SUMF1: variants seen among roughly 807,000 people sequenced by gnomAD.
SUMF1 encodes the protein sulfatase modifying factor 1.
In SUMF1, 48 loss-of-function variants were observed where a neutral mutation model predicts 47.6. The observed-to-expected ratio is 1.01, with a 90% CI of 0.80 to 1.28. The LOEUF (loss-of-function observed/expected upper bound fraction) is 1.28. SUMF1 is among the 50% of genes most tolerant of loss of function. SUMF1 has a pLI of 0.00. For synonymous variants in SUMF1, 230 were observed against 192.1 expected (o/e 1.20, Z -1.63); for missense variants, 571 against 485.4 (o/e 1.18, Z -1.66).
intron 8 of SUMF1, among the ~76,000 whole-genome samples, chr3:4,202,901 A>G (rs1424366918): frequency 6.6e-6 from 1 of 151,616 alleles, no homozygotes; most frequent in Non-Finnish European, 1.5e-5. Context: ...TCCTCTTCCT[A>G]TTGATTTCTA....
chr3:4,123,583 G>C (rs889112707), intron 8 of SUMF1, among the ~76,000 whole-genome samples: 1 of 152,104 alleles, frequency 6.6e-6, no homozygotes, highest in Non-Finnish European at 1.5e-5. Context: ...TTGATCAAGT[G>C]GTCAGAAAGA....
At chr3:4,311,947 C>T (rs1411219454) in intron 8 of SUMF1, among the ~76,000 whole-genome samples, 1 of 152,122 alleles carries the variant, frequency 6.6e-6, no homozygotes, top group Non-Finnish European at 1.5e-5. Context: ...GAGGATCTAA[C>T]CAGAGATCAG....
At chr3:4,136,139 C>T (rs542414243) in intron 8 of SUMF1, among the ~76,000 whole-genome samples, 24 of 152,084 alleles carry the variant, frequency 1.6e-4, no homozygotes, top group African/African-American at 2.2e-4. Context: ...AAAGTTCATA[C>T]GGAACCAAAA....
intron 8 of SUMF1, among the ~76,000 whole-genome samples, chr3:4,220,837 C>A (rs1383306106): frequency 6.6e-6 from 1 of 152,090 alleles, no homozygotes; most frequent in Non-Finnish European, 1.5e-5. Flanking sequence ...AAGTTGACTT[C>A]TCTGGATCCC....
At chr3:4,138,098 TA>T (rs1033397747) in intron 8 of SUMF1, among the ~76,000 whole-genome samples, 34 of 152,148 alleles carry the variant, frequency 2.2e-4, no homozygotes, top group African/African-American at 7.7e-4. Context: ...GGAATAAATT[TA>T]AAAAGGTTTG....
intron 8 of SUMF1, among the ~76,000 whole-genome samples, chr3:4,142,704 T>A (rs1369341954): frequency 6.6e-6 from 1 of 152,036 alleles, no homozygotes; most frequent in Non-Finnish European, 1.5e-5. Flanking sequence ...TTCTTAAAAC[T>A]TTTTGAATTA....
chr3:4,218,014 G>A (rs1397156026), intron 8 of SUMF1, among the ~76,000 whole-genome samples: 1 of 151,914 alleles, frequency 6.6e-6, no homozygotes, highest in Non-Finnish European at 1.5e-5. Context: ...CGCTTAATTC[G>A]ACATAGTGGT....
intron 8 of SUMF1, chr3:4,313,471 T>C (rs752982138): frequency 6.2e-7 from 1 of 1,613,998 alleles, no homozygotes; most frequent in Non-Finnish European, 8.5e-7. Context: ...GGTACCTAAG[T>C]TGGCACTTTT....
intron 8 of SUMF1, among the ~76,000 whole-genome samples, chr3:4,275,567 C>CT (rs1697395650): frequency 2.0e-5 from 3 of 152,134 alleles, no homozygotes; most frequent in Admixed American, 6.5e-5. Flanking sequence ...ACATGTCACT[C>CT]CTAAACCAAT....
chr3:4,311,940 G>C lies in SUMF1; in HGVS notation c.1014+64390C>G, dbSNP rs1698421090. Among the ~76,000 whole-genome samples the C allele has an allele frequency of 2.6e-5, 4 of 152,290 alleles. No homozygotes were observed. The South Asian group carries it at 6.2e-4, about 24-fold the overall frequency. On this transcript the variant is annotated intron_variant and NMD_transcript_variant, in intron 8 of 12. Coordinates refer to the SUMF1 transcript ENST00000448413. Reference sequence around the variant, plus strand: ...AAATATGCTTCACGATGCTAATGAGGATCTAACCAGAGATCAGGCTTCACA... The same window carrying C: ...AAATATGCTTCACGATGCTAATGAGCATCTAACCAGAGATCAGGCTTCACA...
rs200734995 is a variant in SUMF1 at position 4,125,051 on chromosome 3, A to G, written c.1015-56306T>C. Among the ~76,000 whole-genome samples the G allele has an allele frequency of 2.3e-3, 352 of 152,262 alleles. 4 individuals carry two copies. The highest frequency in any genetic ancestry group is 8.1e-3 in the African/African-American group (335 of 41,554). The stretch of plus-strand genomic sequence containing the variant: ...GAAAACAGTTGTAAAATAGTAGAAG[A>G]ATATCTTAGTAAAGCAGTTTTATGT... On this transcript the variant is annotated intron_variant and NMD_transcript_variant, in intron 8 of 12. Coordinates refer to the SUMF1 transcript ENST00000448413.
intron 8 of SUMF1, among the ~76,000 whole-genome samples, chr3:4,365,215 G>A (rs907468332): frequency 8.2e-6 from 1 of 121,992 alleles, no homozygotes; most frequent in Admixed American, 7.9e-5. Flanking sequence ...GGAGAGTTCT[G>A]TAGATGTCTA....
chr3:4,050,991 C>T (rs903139008), intron 9 of SUMF1, among the ~76,000 whole-genome samples: 8 of 151,908 alleles, frequency 5.3e-5, no homozygotes, highest in South Asian at 4.2e-4. Context: ...CTAAACTTGA[C>T]GTTTTATTTT....
At chr3:4,283,554 C>A (rs1202507952) in intron 8 of SUMF1, among the ~76,000 whole-genome samples, 1 of 152,098 alleles carries the variant, frequency 6.6e-6, no homozygotes, top group Non-Finnish European at 1.5e-5. Flanking sequence ...GTAACGAATA[C>A]CTTTGGAGGG....
At chr3:4,152,214 A>C (rs1694352103) in intron 8 of SUMF1, among the ~76,000 whole-genome samples, 1 of 151,590 alleles carries the variant, frequency 6.6e-6, no homozygotes, top group Non-Finnish European at 1.5e-5. Flanking sequence ...CCTGGCACAA[A>C]GCAGTGAGAG....
At chr3:4,107,245 A>G (rs974091817) in intron 8 of SUMF1, among the ~76,000 whole-genome samples, 3 of 152,170 alleles carry the variant, frequency 2.0e-5, no homozygotes. Context: ...TCTGATGCCC[A>G]TACTGAATAA....
intron 8 of SUMF1, among the ~76,000 whole-genome samples, chr3:4,354,369 T>C (rs956192366): frequency 2.0e-5 from 3 of 152,216 alleles, no homozygotes; most frequent in African/African-American, 7.2e-5. Flanking sequence ...CAACAGACTA[T>C]CCTCCCTTTT....
rs559900103 is a variant in SUMF1 at position 4,216,216 on chromosome 3, G to A, written c.1015-147471C>T. 7.2e-5 allele frequency among the ~76,000 whole-genome samples: 11 copies of A among 152,270 alleles called. No individual in the cohort carries two copies. In the South Asian group the frequency reaches 2.3e-3, roughly 32 times the overall value. On this transcript the variant is annotated intron_variant and NMD_transcript_variant, in intron 8 of 12. Coordinates refer to the SUMF1 transcript ENST00000448413. ...ACATATAGATCAATGGAACAGAACA[G>A]AGGCCTCAGAAATAACACCACACAT...
chr3:4,383,529 T>C (rs1700577265), intron 7 of SUMF1, among the ~76,000 whole-genome samples: 1 of 152,254 alleles, frequency 6.6e-6, no homozygotes, highest in Non-Finnish European at 1.5e-5. Flanking sequence ...ATATGCCTTG[T>C]GGCAGTTTTT....
Sources: allele counts gnomAD v4.1 joint callset (sites outside exome capture counted in the v4.1 genomes callset), GRCh38; gene constraint gnomAD v4.1.1; transcripts MANE v1.5; gene names NCBI Gene and HGNC (gene_info 2026-07-23, HGNC 2026-07-21).